Variants in CYP46A1 observed in about 807,000 individuals in gnomAD.
CYP46A1 encodes cholesterol 24-hydroxylase.
Under a neutral mutation model 63.3 loss-of-function variants are expected in CYP46A1, and 20 were observed. That is an observed-to-expected ratio of 0.32 (90% CI 0.22 to 0.46). The LOEUF (loss-of-function observed/expected upper bound fraction) is 0.46, where lower values mean the gene tolerates loss of function less well. Among genes scored for constraint, CYP46A1 ranks in the 20% least tolerant of loss-of-function variants. The pLI is 1.00. For synonymous variants in CYP46A1, 268 were observed against 273.6 expected, an observed-to-expected ratio of 0.98 and a Z score of 0.20; for missense variants, 445 against 670.8, an observed-to-expected ratio of 0.66 and a Z score of 3.72.
chr14:99,686,979 G>A (rs1214023557), intron 1 of CYP46A1, among the ~76,000 whole-genome samples: 2 of 152,204 alleles, frequency 1.3e-5, no homozygotes, highest in African/African-American at 4.8e-5. Flanking sequence ...CGATACTGTG[G>A]TTGACGAGAG....
rs771213059 is a variant in CYP46A1, at chr14:99,725,362, C to A, written c.1177-29C>A. ...AGGTGCCAGGGGAACAACCTGGGAACCAGAGATGAGCGGACCCTTTGCCCG... is the reference window on the plus strand; with the variant it reads ...AGGTGCCAGGGGAACAACCTGGGAAACAGAGATGAGCGGACCCTTTGCCCG... On this transcript the variant is annotated intron_variant, in intron 12 of 14. Coordinates refer to ENST00000261835, the MANE Select transcript of CYP46A1 (RefSeq NM_006668.2). The surrounding 1 kb of genome is among the most constrained non-coding windows in gnomAD (Gnocchi z 4.2). 8.2e-5 allele frequency: 131 copies of A among 1,602,406 alleles called. No homozygotes were observed. The Middle Eastern group carries it at 1.5e-3, about 18-fold the overall frequency.
rs372804519 is a variant in CYP46A1, at chr14:99,722,542, T to A, written c.1176+476T>A. Reference sequence around the variant, plus strand: ...ATTCATCCAGGCATTTACTCATGTATGATAGCCCCTAAACCCACCCCCAAA... The same window carrying A: ...ATTCATCCAGGCATTTACTCATGTAAGATAGCCCCTAAACCCACCCCCAAA... On this transcript the variant is annotated intron_variant, in intron 12 of 14. Coordinates refer to ENST00000261835, the MANE Select transcript of CYP46A1 (RefSeq NM_006668.2). This position sits in a 1 kb window ranked among gnomAD's most constrained non-coding sequence, Gnocchi z 4.6. Among the ~76,000 whole-genome samples, 1 of 152,072 alleles carries A rather than the reference T, an allele frequency of 6.6e-6. No individual in the cohort carries two copies. The highest frequency in any genetic ancestry group is 2.1e-4 in the South Asian group (1 of 4,818).
At chr14:99,713,171 C>T (rs1222610757) in intron 7 of CYP46A1, 1 of 152,274 alleles carries the variant, frequency 6.6e-6, no homozygotes, top group Non-Finnish European at 1.5e-5. Context: ...TAGCTCACGC[C>T]TGTAATACCA....
intron 3 of CYP46A1, among the ~76,000 whole-genome samples, chr14:99,694,120 G>A (rs908584594): frequency 6.6e-6 from 1 of 152,096 alleles, no homozygotes; most frequent in Non-Finnish European, 1.5e-5. Context: ...TTAGCATAAT[G>A]TTTCCAAAGT....
intron 9 of CYP46A1, among the ~76,000 whole-genome samples, chr14:99,717,276 A>G (rs772788317): frequency 4.6e-5 from 7 of 152,030 alleles, no homozygotes; most frequent in Admixed American, 1.3e-4. Flanking sequence ...CCTCCAGTCT[A>G]TCCCTGAGCC....
At chr14:99,717,329 G>A (rs61984442) in intron 9 of CYP46A1, among the ~76,000 whole-genome samples, 2 of 152,134 alleles carry the variant, frequency 1.3e-5, no homozygotes, top group East Asian at 3.9e-4. Context: ...GGCACGGTGG[G>A]TTGTGTCTGT....
At chr14:99,711,116 G>A (rs1271918431) in intron 7 of CYP46A1, 2 of 151,982 alleles carry the variant, frequency 1.3e-5, no homozygotes, top group African/African-American at 2.4e-5. Flanking sequence ...CAAATGAAAA[G>A]GGGAACACAA....
In CYP46A1 at chr14:99,697,189, C is replaced by T. The variant is rs1035831689; in HGVS notation, c.283-2277C>T. Among the ~76,000 whole-genome samples, 11 of 152,312 alleles carry T rather than the reference C, an allele frequency of 7.2e-5. No individual in the cohort carries two copies. The East Asian group carries it at 9.6e-4, about 13-fold the overall frequency. ...ACATTTGCATAGATTGGTATACATC[C>T]GAAGACCTAAGGGACCCCATGCAGA... On this transcript the variant is annotated intron_variant, in intron 3 of 14. Transcript: ENST00000261835.
intron 7 of CYP46A1, 42 bp from the exon 8 acceptor site, chr14:99,715,768 T>G (rs750237597): frequency 6.2e-7 from 1 of 1,613,506 alleles, no homozygotes; most frequent in South Asian, 1.1e-5. Context: ...AGAGGGAACA[T>G]GCGTGTTCAC....
Position 99,684,503 on chromosome 14 carries a change from G to T in CYP46A1, c.86G>T (p.Arg29Leu). ...CCTFVHRARS[R>L]YEHIPGPPRP... The stretch of plus-strand genomic sequence containing the variant: ...ACCTTCGTGCACCGCGCTCGCAGCC[G>T]CTACGAGCACATCCCCGGGCCGCCG... Residue 29 changes from arginine (R) to leucine (L), a missense_variant, in exon 1 of 15, where the codon CGC (arginine) becomes CTC (leucine). Coordinates refer to ENST00000261835, the MANE Select transcript of CYP46A1 (RefSeq NM_006668.2). The T allele has an allele frequency of 6.8e-7, 1 of 1,479,050 alleles. No homozygotes were observed. Among genetic ancestry groups the T allele is most frequent in the South Asian group, 1.3e-5 (1 of 78,680 alleles). The allele number at this position is 1,479,050 out of a possible 1,614,324, so 91.6% of individuals were successfully genotyped here. A position where few individuals can be genotyped will look rare whatever the true frequency, so the allele number is the denominator to read the frequency against.
intron 1 of CYP46A1, among the ~76,000 whole-genome samples, chr14:99,685,436 CCA>C (rs1223579442): frequency 2.7e-5 from 4 of 150,554 alleles, no homozygotes; most frequent in African/African-American, 9.8e-5. Flanking sequence ...CCACCCAGCC[CCA>C]GACTTCTCAG....
chr14:99,692,871 G>T (rs2056555868), intron 3 of CYP46A1, among the ~76,000 whole-genome samples: 2 of 152,030 alleles, frequency 1.3e-5, no homozygotes, highest in African/African-American at 4.8e-5. Context: ...GGGAACCAAG[G>T]CAGGTGGCAT....
At chr14:99,720,990 C>T (rs1263957204) in intron 10 of CYP46A1, among the ~76,000 whole-genome samples, 1 of 152,010 alleles carries the variant, frequency 6.6e-6, no homozygotes, top group African/African-American at 2.4e-5. Context: ...GAGGCTGAGG[C>T]GGGAGAATTG....
intron 6 of CYP46A1, among the ~76,000 whole-genome samples, chr14:99,707,082 G>A (rs2056683828): frequency 6.6e-6 from 1 of 152,174 alleles, no homozygotes. Context: ...TCAGCCCAAA[G>A]GCTGCCTTCC....
chr14:99,701,606 G>T (rs148472257), intron 5 of CYP46A1, among the ~76,000 whole-genome samples: 4 of 152,126 alleles, frequency 2.6e-5, no homozygotes, highest in Non-Finnish European at 4.4e-5. Context: ...TATCCTTGTC[G>T]TTAAGTAACA....
chr14:99,687,343 T>C (rs2056503274), intron 1 of CYP46A1, among the ~76,000 whole-genome samples: 1 of 152,234 alleles, frequency 6.6e-6, no homozygotes, highest in African/African-American at 2.4e-5. Flanking sequence ...TTTTTATTTA[T>C]TTGGGGATAA....
At chr14:99,699,345 G>C (rs2140119310) in intron 3 of CYP46A1, 121 bp from the exon 4 acceptor site, 1 of 889,600 alleles carries the variant, frequency 1.1e-6, no homozygotes, top group Non-Finnish European at 1.9e-6. Flanking sequence ...TCATGCATGG[G>C]AAGTGGGCAC....
chr14:99,713,679 G>A (rs2056756869), intron 7 of CYP46A1, among the ~76,000 whole-genome samples: 1 of 151,890 alleles, frequency 6.6e-6, no homozygotes, highest in Non-Finnish European at 1.5e-5. Context: ...AGGAGTTTCA[G>A]ACCAGCCTGG....
rs559265164 is a variant in CYP46A1, at chr14:99,708,165, C to T, written c.693+487C>T. 9 of 235,718 alleles carry T rather than the reference C, an allele frequency of 3.8e-5. No homozygotes were observed. The East Asian group carries it at 3.9e-4, about 10-fold the overall frequency. 14.6% of individuals were successfully genotyped at this position (235,718 alleles called of 1,614,324 possible). A position where few individuals can be genotyped will look rare whatever the true frequency, so the allele number is the denominator to read the frequency against. ...GCCCCACCCACTGCCAGCACCCGTG[C>T]GCATCATCTAGGGGCCTGAGGAATG... On this transcript the variant is annotated intron_variant, in intron 7 of 14. Coordinates refer to ENST00000261835, the MANE Select transcript of CYP46A1 (RefSeq NM_006668.2).
Sources: gnomAD v4.1 joint callset for allele counts (sites outside exome capture counted in the v4.1 genomes callset) on GRCh38, gnomAD v4.1.1 for gene constraint, Gnocchi (gnomAD v3.1) non-coding constraint, MANE v1.5 for transcripts, NCBI Gene and HGNC (gene_info 2026-07-23, HGNC 2026-07-21) for gene names.